CFI: variants seen among roughly 807,000 people sequenced by gnomAD.
CFI encodes the protein complement factor I.
In CFI, 66 loss-of-function variants were observed where a neutral mutation model predicts 78.8. That is an observed-to-expected ratio of 0.84 (90% CI 0.69 to 1.03). CFI has a LOEUF of 1.03. CFI is among the 50% of genes least tolerant of loss of function. The pLI is 0.00. For missense variants in CFI, 706 were observed against 704.5 expected, an observed-to-expected ratio of 1.00 and a Z score of -0.02; for synonymous variants, 250 against 232.6, an observed-to-expected ratio of 1.07 and a Z score of -0.68.
At chr4:109,795,361 T>C (rs992864817) in intron 1 of CFI, among the ~76,000 whole-genome samples, 1 of 152,192 alleles carries the variant, frequency 6.6e-6, no homozygotes, top group Non-Finnish European at 1.5e-5. Context: ...GGCTGACTGA[T>C]TTGTGAAAGA....
chr4:109,789,974 A>G (rs147150457), intron 1 of CFI, among the ~76,000 whole-genome samples: 142 of 152,150 alleles, frequency 9.3e-4, no homozygotes, highest in African/African-American at 3.0e-3. Flanking sequence ...TTTTAAAATT[A>G]CTGATTTAAT....
In CFI at chr4:109,761,646, T is replaced by C; in HGVS notation, c.529A>G (p.Asn177Asp). 1 of 1,613,834 alleles carries C rather than the reference T, an allele frequency of 6.2e-7. No homozygotes were observed. The highest frequency in any genetic ancestry group is 8.5e-7 in the Non-Finnish European group (1 of 1,179,792). ...RRFKLSDLSINSTECLHVHCR... is the reference protein window; with the variant it reads ...RRFKLSDLSIDSTECLHVHCR... ...TGCACATGTAGACATTCAGTGGAATTTATAGAGAGATCAGACAACTTAAAC... is the reference window on the plus strand; with the variant it reads ...TGCACATGTAGACATTCAGTGGAATCTATAGAGAGATCAGACAACTTAAAC... Residue 177 changes from asparagine to aspartate, a missense_variant, in exon 4 of 13, where the codon AAT (asparagine) becomes GAT (aspartate). By Grantham distance (23) the Asn-to-Asp change is conservative. Coordinates refer to ENST00000394634, the MANE Select transcript of CFI (RefSeq NM_000204.5).
intron 11 of CFI, among the ~76,000 whole-genome samples, chr4:109,743,620 ATTATTAATAAATGTGTTAAAC>A (rs1175590491): frequency 6.6e-6 from 1 of 152,224 alleles, no homozygotes; most frequent in African/African-American, 2.4e-5. Flanking sequence ...GTGTTAAACC[ATTATTAATAAATGTGTTAAAC>A]CTTTGATCAT....
intron 7 of CFI, among the ~76,000 whole-genome samples, chr4:109,756,965 G>GAAAGAAAGAAAGAAAGAAAGAAAA: frequency 7.5e-6 from 1 of 133,872 alleles, no homozygotes; most frequent in Admixed American, 7.4e-5. Context: ...AAGAAAGAAA[G>GAAAGAAAGAAAGAAAGAAAGAAAA]AAAGAAAGAA....
At chr4:109,780,377 C>T (rs1250328163) in intron 1 of CFI, among the ~76,000 whole-genome samples, 1 of 152,090 alleles carries the variant, frequency 6.6e-6, no homozygotes, top group African/African-American at 2.4e-5. Context: ...ATTTATGCAG[C>T]CAACAGACAC....
At chr4:109,781,844 G>C (rs1007340619) in intron 1 of CFI, among the ~76,000 whole-genome samples, 1 of 152,008 alleles carries the variant, frequency 6.6e-6, no homozygotes, top group Non-Finnish European at 1.5e-5. Flanking sequence ...GGGATGCAGG[G>C]GTGGTTTAAC....
At chr4:109,776,366 G>C (rs142038489) in intron 1 of CFI, among the ~76,000 whole-genome samples, 384 of 152,238 alleles carry the variant, frequency 2.5e-3, no homozygotes, top group African/African-American at 8.8e-3. Flanking sequence ...GGAAGAAAGG[G>C]TATCAATGAT....
At chr4:109,776,633 T>C (rs1729282708) in intron 1 of CFI, among the ~76,000 whole-genome samples, 1 of 152,110 alleles carries the variant, frequency 6.6e-6, no homozygotes, top group African/African-American at 2.4e-5. Context: ...GCCACAAAGA[T>C]ACTCCTCGAG....
At chr4:109,787,544 T>C (rs761665563) in intron 1 of CFI, among the ~76,000 whole-genome samples, 3 of 152,028 alleles carry the variant, frequency 2.0e-5, no homozygotes, top group African/African-American at 7.2e-5. Flanking sequence ...TCTCTGGTAA[T>C]ACCTAACAAT....
chr4:109,755,001 G>T (rs1260846539), intron 7 of CFI, among the ~76,000 whole-genome samples: 1 of 152,174 alleles, frequency 6.6e-6, no homozygotes, highest in African/African-American at 2.4e-5. Flanking sequence ...ATGAGAGACA[G>T]CATGGAAGAA....
At chr4:109,785,242 T>G (rs764995830) in intron 1 of CFI, among the ~76,000 whole-genome samples, 3 of 152,132 alleles carry the variant, frequency 2.0e-5, no homozygotes, top group Non-Finnish European at 4.4e-5. Flanking sequence ...TGGTGGTCTC[T>G]TCACACAGAC....
chr4:109,777,753 G>A (rs1035388607), intron 1 of CFI, among the ~76,000 whole-genome samples: 22 of 152,130 alleles, frequency 1.4e-4, no homozygotes, highest in African/African-American at 4.6e-4. Flanking sequence ...CTCAGCAAAT[G>A]TAAAAGAACA....
At chr4:109,777,411 C>T (rs918429128) in intron 1 of CFI, among the ~76,000 whole-genome samples, 32 of 152,076 alleles carry the variant, frequency 2.1e-4, no homozygotes. Context: ...GTAAAGGGAT[C>T]GATTCAACAA....
At chr4:109,773,925 G>A (rs1009389351) in intron 1 of CFI, among the ~76,000 whole-genome samples, 10 of 152,176 alleles carry the variant, frequency 6.6e-5, no homozygotes, top group African/African-American at 2.2e-4. Context: ...ATATTCTTAT[G>A]TGTCCCCAAA....
chr4:109,745,087 A>G (rs1724247563), intron 11 of CFI, among the ~76,000 whole-genome samples: 1 of 152,240 alleles, frequency 6.6e-6, no homozygotes, highest in East Asian at 1.9e-4. Context: ...CTAAAAGACC[A>G]ATGCAATGAA....
At chr4:109,787,854 T>A (rs1166220498) in intron 1 of CFI, among the ~76,000 whole-genome samples, 2 of 152,188 alleles carry the variant, frequency 1.3e-5, no homozygotes, top group East Asian at 3.9e-4. Context: ...GCTAAAATTT[T>A]GTCTATTTTT....
chr4:109,751,683 C>T (rs774301384), intron 8 of CFI, among the ~76,000 whole-genome samples: 15 of 152,048 alleles, frequency 9.9e-5, no homozygotes, highest in South Asian at 2.1e-4. Context: ...TGAAGTAATC[C>T]GCCTGCTTTG....
chr4:109,789,698 A>G (rs1731147522), intron 1 of CFI, among the ~76,000 whole-genome samples: 1 of 152,102 alleles, frequency 6.6e-6, no homozygotes, highest in African/African-American at 2.4e-5. Flanking sequence ...AATCTGATCT[A>G]TACAAATAAA....
intron 1 of CFI, among the ~76,000 whole-genome samples, chr4:109,791,137 A>T (rs1232126801): frequency 6.6e-6 from 1 of 152,166 alleles, no homozygotes; most frequent in Admixed American, 6.5e-5. Context: ...TAATAGTGCC[A>T]TTCTGACTGG....
Sources: allele counts gnomAD v4.1 joint callset (sites outside exome capture counted in the v4.1 genomes callset), GRCh38; gene constraint gnomAD v4.1.1; transcripts MANE v1.5; gene names NCBI Gene and HGNC (gene_info 2026-07-23, HGNC 2026-07-21).